PDSS2: variants seen among roughly 807,000 people sequenced by gnomAD.
PDSS2 encodes all trans-polyprenyl-diphosphate synthase PDSS2.
In PDSS2, 31 loss-of-function variants were observed where a neutral mutation model predicts 44.5. That is an observed-to-expected ratio of 0.70 (90% CI 0.52 to 0.94). PDSS2 has a LOEUF of 0.94. Among genes scored for constraint, PDSS2 ranks in the 40% least tolerant of loss-of-function variants. PDSS2 has a pLI of 0.00. For missense variants in PDSS2, 452 were observed against 482.2 expected, an observed-to-expected ratio of 0.94 and a Z score of 0.59; for synonymous variants, 157 against 180.3, an observed-to-expected ratio of 0.87 and a Z score of 1.03.
chr6:107,185,372 A>G (rs544602737), intron 7 of PDSS2, among the ~76,000 whole-genome samples: 1 of 152,298 alleles, frequency 6.6e-6, no homozygotes, highest in African/African-American at 2.4e-5. Context: ...ATTCATATCT[A>G]TATATCTGAA....
At chr6:107,425,510 T>A (rs1206130015) in intron 1 of PDSS2, among the ~76,000 whole-genome samples, 1 of 152,144 alleles carries the variant, frequency 6.6e-6, no homozygotes, top group African/African-American at 2.4e-5. Context: ...GACTAGAGAC[T>A]TGTGGAACTG....
chr6:107,225,481 G>C (rs1449922255), intron 4 of PDSS2, among the ~76,000 whole-genome samples: 1 of 151,672 alleles, frequency 6.6e-6, no homozygotes, highest in Non-Finnish European at 1.5e-5. Context: ...CCTAATCTTG[G>C]AAGTAACATG....
intron 1 of PDSS2, among the ~76,000 whole-genome samples, chr6:107,369,462 A>G (rs765374321): frequency 2.0e-5 from 3 of 152,172 alleles, no homozygotes; most frequent in African/African-American, 7.2e-5. Flanking sequence ...AAAAAGAACA[A>G]TGTAGACTCT....
intron 4 of PDSS2, among the ~76,000 whole-genome samples, chr6:107,232,176 T>G (rs1000935400): frequency 9.2e-5 from 14 of 152,176 alleles, no homozygotes; most frequent in African/African-American, 3.4e-4. Context: ...GATAGATTCC[T>G]TTCCTTAGTT....
At chr6:107,328,736 T>C (rs1777626299) in intron 2 of PDSS2, among the ~76,000 whole-genome samples, 1 of 152,220 alleles carries the variant, frequency 6.6e-6, no homozygotes, top group South Asian at 2.1e-4. Flanking sequence ...AAACAATATC[T>C]CAGAGTCATG....
At chr6:107,173,851 T>C (rs991211915) in intron 7 of PDSS2, among the ~76,000 whole-genome samples, 6 of 152,116 alleles carry the variant, frequency 3.9e-5, no homozygotes, top group Non-Finnish European at 7.3e-5. Context: ...ATTATATAGT[T>C]GTATATTTAG....
chr6:107,370,922 C>T (rs1319735497), intron 1 of PDSS2, among the ~76,000 whole-genome samples: 7 of 152,170 alleles, frequency 4.6e-5, no homozygotes, highest in East Asian at 3.9e-4. Flanking sequence ...CAGTGGCTTA[C>T]GCCTGTAACC....
At chr6:107,158,977 C>A (rs967044930) in intron 7 of PDSS2, among the ~76,000 whole-genome samples, 1 of 152,094 alleles carries the variant, frequency 6.6e-6, no homozygotes, top group African/African-American at 2.4e-5. Flanking sequence ...GATCTGCCCA[C>A]CTTAGCCTCC....
intron 1 of PDSS2, among the ~76,000 whole-genome samples, chr6:107,364,703 G>C (rs1223654526): frequency 2.6e-5 from 4 of 152,196 alleles, no homozygotes; most frequent in Non-Finnish European, 5.9e-5. Flanking sequence ...CAGTGCAGTG[G>C]GGGGGCTGAA....
Position 107,376,478 on chromosome 6 carries a change from G to A in PDSS2, c.297-42146C>T, listed in dbSNP as rs560743271. 1.4e-3 allele frequency among the ~76,000 whole-genome samples: 218 copies of A among 152,168 alleles called. 3 individuals carry two copies. The highest frequency in any genetic ancestry group is 4.9e-3 in the African/African-American group (204 of 41,516). ...AGTTCTCCTTGAAGAGGTCCTTCACGTCCCTTGTAAGCTGGATTCCTAAGT... is the reference window on the plus strand; with the variant it reads ...AGTTCTCCTTGAAGAGGTCCTTCACATCCCTTGTAAGCTGGATTCCTAAGT... On this transcript the variant is annotated intron_variant, in intron 1 of 7. Coordinates refer to ENST00000369037, the MANE Select transcript of PDSS2 (RefSeq NM_020381.4).
chr6:107,278,012 T>A (rs1197119232), intron 2 of PDSS2, among the ~76,000 whole-genome samples: 1 of 151,218 alleles, frequency 6.6e-6, no homozygotes, highest in Non-Finnish European at 1.5e-5. Flanking sequence ...TATAAAATCA[T>A]CAAATAATAT....
At chr6:107,241,432 T>C (rs1417924727) in intron 4 of PDSS2, among the ~76,000 whole-genome samples, 8 of 144,944 alleles carry the variant, frequency 5.5e-5, no homozygotes, top group South Asian at 2.4e-4. Context: ...CTGCAAGCTC[T>C]GCCTCCCGGG....
At chr6:107,432,843 C>T (rs1781234713) in intron 1 of PDSS2, among the ~76,000 whole-genome samples, 1 of 152,060 alleles carries the variant, frequency 6.6e-6, no homozygotes, top group Non-Finnish European at 1.5e-5. Flanking sequence ...CCATATTCAC[C>T]CTACAATGCC....
chr6:107,179,342 G>A (rs1562355822), intron 7 of PDSS2, among the ~76,000 whole-genome samples: 1 of 151,740 alleles, frequency 6.6e-6, no homozygotes, highest in African/African-American at 2.4e-5. Context: ...GTGCAGTGGT[G>A]TGATCTCAGC....
chr6:107,388,447 ATTTTT>A (rs147100917), intron 1 of PDSS2, among the ~76,000 whole-genome samples: 2 of 137,270 alleles, frequency 1.5e-5, no homozygotes, highest in African/African-American at 2.7e-5. Flanking sequence ...GTGCATGTGA[ATTTTT>A]TTTTTTTTTT....
rs1357760482 is a variant in PDSS2, at chr6:107,459,232, A to G, written c.54T>C (p.Gly18=). 2 of 1,614,082 alleles carry G rather than the reference A, an allele frequency of 1.2e-6. No homozygotes were observed. Among genetic ancestry groups the G allele is most frequent in the East Asian group, 4.5e-5 (2 of 44,872 alleles). The change falls in exon 1 of 8, where the codon GGT becomes GGC. Residue 18 remains glycine (G), a synonymous_variant. Transcript: ENST00000369037. This position sits in a 1 kb window ranked among gnomAD's most constrained non-coding sequence, Gnocchi z 4.3. ...LHLPRYLGAS[G]SPRRLWWSPS... ...GGGACCACCACAGGCGACGCGGGGAACCCGAGGCTCCAAGATAACGTGGCA... is the reference window on the plus strand; with the variant it reads ...GGGACCACCACAGGCGACGCGGGGAGCCCGAGGCTCCAAGATAACGTGGCA...
intron 1 of PDSS2, among the ~76,000 whole-genome samples, chr6:107,350,887 C>A (rs1322452947): frequency 2.0e-5 from 3 of 150,962 alleles, no homozygotes. Flanking sequence ...GAAAAAAAAA[C>A]AAAACAGTTC....
At chr6:107,359,841 G>A in intron 1 of PDSS2, among the ~76,000 whole-genome samples, 1 of 152,162 alleles carries the variant, frequency 6.6e-6, no homozygotes, top group African/African-American at 2.4e-5. Flanking sequence ...GAGGAGAGAT[G>A]GGGATCTTTC....
At chr6:107,297,815 C>T (rs777665283) in intron 2 of PDSS2, among the ~76,000 whole-genome samples, 4 of 151,880 alleles carry the variant, frequency 2.6e-5, no homozygotes, top group Admixed American at 6.6e-5. Context: ...GCGCAATCTC[C>T]GCTCACTGCA....
Sources: allele counts gnomAD v4.1 joint callset (sites outside exome capture counted in the v4.1 genomes callset), GRCh38; gene constraint gnomAD v4.1.1; non-coding constraint Gnocchi (gnomAD v3.1); transcripts MANE v1.5; gene names NCBI Gene and HGNC (gene_info 2026-07-23, HGNC 2026-07-21).